The following SPATA31H1 variants were observed in gnomAD, a reference collection of about 807,000 sequenced individuals.
The protein encoded by SPATA31H1 is SPATA31 subfamily H member 1.
At chr2:27,579,869 G>A in the SPATA31H1 span, 11 of 1,614,050 alleles carry the variant, frequency 6.8e-6, no homozygotes, top group Non-Finnish European at 9.3e-6. Flanking sequence ...AACTCTTAAG[G>A]AGTCAAATAC....
chr2:27,567,388 G>T, the SPATA31H1 span: 1 of 472,894 alleles, frequency 2.1e-6, no homozygotes, highest in South Asian at 5.4e-5. Flanking sequence ...GTACAAGGAG[G>T]AGTTGCTGAA....
the SPATA31H1 span, among the ~76,000 whole-genome samples, chr2:27,562,062 T>C: frequency 1.3e-5 from 2 of 152,180 alleles, no homozygotes; most frequent in African/African-American, 4.8e-5. Flanking sequence ...TTTATTATAA[T>C]AAATGGCCAT....
the SPATA31H1 span, chr2:27,573,860 C>G: frequency 2.5e-6 from 1 of 398,370 alleles, no homozygotes; most frequent in African/African-American, 2.1e-5. Flanking sequence ...CGCTGAACTC[C>G]TTACTACACT....
At chr2:27,552,449 T>C in the SPATA31H1 span, among the ~76,000 whole-genome samples, 1 of 152,058 alleles carries the variant, frequency 6.6e-6, no homozygotes, top group Non-Finnish European at 1.5e-5. Context: ...CATAGATCTA[T>C]ATGTTTATCC....
chr2:27,548,106 C>A, the SPATA31H1 span, among the ~76,000 whole-genome samples: 2 of 151,284 alleles, frequency 1.3e-5, no homozygotes, highest in African/African-American at 4.9e-5. Context: ...CTCAGCCTCC[C>A]CAGTAGCTGG....
the SPATA31H1 span, chr2:27,571,268 G>C: frequency 2.5e-6 from 1 of 398,370 alleles, no homozygotes; most frequent in Admixed American, 4.4e-5. Flanking sequence ...CTGAGTTGCT[G>C]ACTTCAGGAT....
the SPATA31H1 span, among the ~76,000 whole-genome samples, chr2:27,540,070 C>G: frequency 9.4e-6 from 1 of 106,446 alleles, no homozygotes; most frequent in Non-Finnish European, 1.9e-5. Context: ...GAGGGGTCCT[C>G]ACTTCCCAGT....
At chr2:27,580,229 T>C in the SPATA31H1 span, 3 of 1,614,200 alleles carry the variant, frequency 1.9e-6, no homozygotes, top group Admixed American at 5.0e-5. Context: ...ATTTGCAGTC[T>C]GGGCCTTCCC....
the SPATA31H1 span, among the ~76,000 whole-genome samples, chr2:27,563,205 C>T: frequency 8.7e-4 from 132 of 151,960 alleles, no homozygotes; most frequent in Non-Finnish European, 1.5e-3. Context: ...TTATGTCTGA[C>T]GTAGAATGTC....
chr2:27,553,442 G>A, the SPATA31H1 span, among the ~76,000 whole-genome samples: 1 of 151,900 alleles, frequency 6.6e-6, no homozygotes, highest in Admixed American at 6.6e-5. Flanking sequence ...CTTATCAAAG[G>A]GTCACTTGGT....
At chr2:27,566,595 T>C in the SPATA31H1 span, 3 of 582,382 alleles carry the variant, frequency 5.2e-6, no homozygotes, top group African/African-American at 3.7e-5. Flanking sequence ...ATTATTTCTA[T>C]AAGTAATTGA....
At chr2:27,549,072 C>CAAAAAAAAAAAAAAAAAAAAAAAAAAA in the SPATA31H1 span, among the ~76,000 whole-genome samples, 1 of 53,306 alleles carries the variant, frequency 1.9e-5, no homozygotes. Flanking sequence ...GACTCCGTCT[C>CAAAAAAAAAAAAAAAAAAAAAAAAAAA]AAAAAAAAAA....
chr2:27,581,191 A>C, the SPATA31H1 span: 1 of 1,614,166 alleles, frequency 6.2e-7, no homozygotes, highest in Non-Finnish European at 8.5e-7. Context: ...AAGGAGCATA[A>C]CCACCCCAGC....
chr2:27,540,346 G>A, the SPATA31H1 span, among the ~76,000 whole-genome samples: 4 of 121,894 alleles, frequency 3.3e-5, no homozygotes, highest in Non-Finnish European at 5.3e-5. Context: ...AGGGGCGGCC[G>A]GGCAGAGGCG....
At chr2:27,564,405 A>G in the SPATA31H1 span, among the ~76,000 whole-genome samples, 139 of 152,252 alleles carry the variant, frequency 9.1e-4, no homozygotes, top group African/African-American at 3.3e-3. Context: ...TGACACTACA[A>G]ATGATATGGG....
chr2:27,579,771 C>G, the SPATA31H1 span: 4 of 1,614,056 alleles, frequency 2.5e-6, no homozygotes. Context: ...CCAACACTCC[C>G]TCAAGCCAAA....
chr2:27,538,773 G>A, the SPATA31H1 span, among the ~76,000 whole-genome samples: 1 of 152,094 alleles, frequency 6.6e-6, no homozygotes, highest in Non-Finnish European at 1.5e-5. Context: ...AGAGGTTGCA[G>A]TGAGCTGAGA....
chr2:27,582,661 G>C, the SPATA31H1 span: 5 of 850,030 alleles, frequency 5.9e-6, no homozygotes, highest in South Asian at 1.8e-5. Flanking sequence ...TCTCTACCGG[G>C]GGGGAGGCGG....
At chr2:27,567,335 A>C in the SPATA31H1 span, 2 of 535,318 alleles carry the variant, frequency 3.7e-6, no homozygotes, top group Non-Finnish European at 6.6e-6. Context: ...CAGCACCTTT[A>C]CCTTTGAGGA....
Sources: allele counts gnomAD v4.1 joint callset (sites outside exome capture counted in the v4.1 genomes callset), GRCh38; gene constraint gnomAD v4.1.1; transcripts MANE v1.5; gene names NCBI Gene and HGNC (gene_info 2026-07-23, HGNC 2026-07-21).